CACNA2D3: variants seen among roughly 807,000 people sequenced by gnomAD.
CACNA2D3 encodes calcium voltage-gated channel auxiliary subunit alpha2delta 3.
In CACNA2D3, 60 loss-of-function variants were observed where a neutral mutation model predicts 160.6. That is an observed-to-expected ratio of 0.37 (90% CI 0.30 to 0.46). The LOEUF (loss-of-function observed/expected upper bound fraction) is 0.46. CACNA2D3 is among the 20% of genes least tolerant of loss of function. The probability of loss-of-function intolerance (pLI) is 1.00; values close to 1 mark genes in which losing one functional copy is unlikely to be tolerated. For synonymous variants in CACNA2D3, 558 were observed against 492.9 expected (o/e 1.13, Z -1.75); for missense variants, 1,205 against 1,365.0 (o/e 0.88, Z 1.85).
At chr3:54,406,524 G>A (rs1699579800) in intron 4 of CACNA2D3, among the ~76,000 whole-genome samples, 2 of 152,140 alleles carry the variant, frequency 1.3e-5, no homozygotes, top group Non-Finnish European at 2.9e-5. Flanking sequence ...GACAAATGGG[G>A]AGGACATTAT....
intron 3 of CACNA2D3, among the ~76,000 whole-genome samples, chr3:54,328,759 G>A (rs535137418): frequency 1.3e-5 from 2 of 152,306 alleles, no homozygotes; most frequent in South Asian, 4.1e-4. Context: ...GAATGTGGGT[G>A]TAGGCACTCT....
At chr3:54,345,833 CT>C (rs58643454) in intron 3 of CACNA2D3, among the ~76,000 whole-genome samples, 42 of 141,320 alleles carry the variant, frequency 3.0e-4, no homozygotes, top group Non-Finnish European at 3.2e-4. Context: ...TCTTGATGCT[CT>C]TTTTTTTTTT....
At chr3:54,510,213 A>G (rs1012318436) in intron 5 of CACNA2D3, among the ~76,000 whole-genome samples, 6 of 150,012 alleles carry the variant, frequency 4.0e-5, no homozygotes, top group Admixed American at 2.0e-4. Flanking sequence ...TAGGTGGGGG[A>G]ATGGATGGAT....
chr3:54,150,722 G>A (rs894457375), intron 2 of CACNA2D3, among the ~76,000 whole-genome samples: 2 of 152,186 alleles, frequency 1.3e-5, no homozygotes, highest in Non-Finnish European at 2.9e-5. Flanking sequence ...ATACTAGAGA[G>A]GAATAAACAA....
chr3:54,448,448 C>CT (rs1700256493), intron 4 of CACNA2D3, among the ~76,000 whole-genome samples: 1 of 152,204 alleles, frequency 6.6e-6, no homozygotes, highest in African/African-American at 2.4e-5. Context: ...CACTCTGTCT[C>CT]TGTTTCTTCC....
chr3:54,694,069 TACTC>T (rs1396060218), intron 11 of CACNA2D3, among the ~76,000 whole-genome samples: 1 of 152,214 alleles, frequency 6.6e-6, no homozygotes, highest in Non-Finnish European at 1.5e-5. Flanking sequence ...ACTCACCGCT[TACTC>T]ACTAACTCAC....
At chr3:54,688,581 T>G (rs1282422189) in intron 11 of CACNA2D3, among the ~76,000 whole-genome samples, 1 of 151,900 alleles carries the variant, frequency 6.6e-6, no homozygotes, top group Non-Finnish European at 1.5e-5. Context: ...TAGGTCTGCA[T>G]TATGATGACA....
At chr3:54,465,797 A>T (rs1427097598) in intron 4 of CACNA2D3, among the ~76,000 whole-genome samples, 32 of 152,176 alleles carry the variant, frequency 2.1e-4, no homozygotes, top group Non-Finnish European at 2.9e-5. Context: ...TTATTTCCCA[A>T]TTCTATAAGT....
At chr3:54,570,345 T>G (rs934006050) in intron 8 of CACNA2D3, among the ~76,000 whole-genome samples, 1 of 152,124 alleles carries the variant, frequency 6.6e-6, no homozygotes, top group Non-Finnish European at 1.5e-5. Context: ...CGCCACACCA[T>G]CTGAGAGAAT....
intron 35 of CACNA2D3, among the ~76,000 whole-genome samples, chr3:55,028,201 A>C (rs1703606941): frequency 1.3e-5 from 2 of 152,236 alleles, no homozygotes; most frequent in Admixed American, 1.3e-4. Flanking sequence ...TCAAATTGGC[A>C]ACTCCAAAAG....
intron 17 of CACNA2D3, among the ~76,000 whole-genome samples, chr3:54,853,913 T>C (rs780801242): frequency 5.3e-5 from 8 of 152,134 alleles, no homozygotes; most frequent in Non-Finnish European, 1.0e-4. Flanking sequence ...CACGGAACTT[T>C]CGGTGGTCCC....
chr3:54,785,855 A>G (rs1702631634), intron 13 of CACNA2D3, among the ~76,000 whole-genome samples: 1 of 151,952 alleles, frequency 6.6e-6, no homozygotes, highest in Admixed American at 6.6e-5. Flanking sequence ...CATCTCATAT[A>G]TTTTCCCTTC....
At position 54,828,100 on chromosome 3, in the gene CACNA2D3, T is replaced by C. The variant is rs1477036541; in HGVS notation, c.1399-9059T>C. On this transcript the variant is annotated intron_variant, in intron 14 of 37. Transcript: ENST00000474759. ...CATTTCCACTTAGTTAGGGAAGGTT[T>C]TATGGAGGAAGCAGCATTTCAGGGG... 3.3e-5 allele frequency among the ~76,000 whole-genome samples: 5 copies of C among 152,184 alleles called. No homozygotes were observed. In the East Asian group the frequency reaches 9.6e-4, roughly 29 times the overall value.
At chr3:54,641,662 ATCTGCCTTTCAG>A (rs1699522826) in intron 10 of CACNA2D3, among the ~76,000 whole-genome samples, 1 of 152,196 alleles carries the variant, frequency 6.6e-6, no homozygotes, top group African/African-American at 2.4e-5. Flanking sequence ...AGGGCCTACT[ATCTGCCTTTCAG>A]TGCTATGCCA....
chr3:54,503,733 A>G (rs1701327318), intron 5 of CACNA2D3, 79 bp downstream of exon 5: 3 of 1,346,700 alleles, frequency 2.2e-6, no homozygotes, highest in South Asian at 2.5e-5. Flanking sequence ...GGTTTGGGAT[A>G]TAGTTTTGGT....
chr3:54,183,080 C>T (rs1344632600), intron 2 of CACNA2D3, among the ~76,000 whole-genome samples: 1 of 151,544 alleles, frequency 6.6e-6, no homozygotes, highest in East Asian at 1.9e-4. Context: ...GACCTCATTC[C>T]CCCCCCAAAA....
intron 3 of CACNA2D3, among the ~76,000 whole-genome samples, chr3:54,355,810 A>C (rs2107536874): frequency 6.6e-6 from 1 of 152,298 alleles, no homozygotes; most frequent in East Asian, 1.9e-4. Context: ...ACAGGAAGAG[A>C]GAAGAAGAGC....
At chr3:54,501,735 C>G (rs192098900) in intron 4 of CACNA2D3, among the ~76,000 whole-genome samples, 1 of 152,220 alleles carries the variant, frequency 6.6e-6, no homozygotes, top group Admixed American at 6.5e-5. Context: ...TTCTTCCTGT[C>G]TTAATGCAGA....
chr3:54,976,779 A>G (rs1702400794), intron 29 of CACNA2D3, among the ~76,000 whole-genome samples: 1 of 152,124 alleles, frequency 6.6e-6, no homozygotes, highest in Admixed American at 6.5e-5. Context: ...CCTGCTCCAG[A>G]GCTCTCAGCT....
Sources: gnomAD v4.1 joint callset for allele counts (sites outside exome capture counted in the v4.1 genomes callset) on GRCh38, gnomAD v4.1.1 for gene constraint, MANE v1.5 for transcripts, NCBI Gene and HGNC (gene_info 2026-07-23, HGNC 2026-07-21) for gene names.